GAS7: variants seen among roughly 807,000 people sequenced by gnomAD.
GAS7 encodes growth arrest specific 7.
GAS7 carries 28 observed loss-of-function variants against 71.1 expected under a neutral mutation model. That is an observed-to-expected ratio of 0.39 (90% CI 0.29 to 0.54). The LOEUF (loss-of-function observed/expected upper bound fraction) is 0.54. Among genes scored for constraint, GAS7 ranks in the 20% least tolerant of loss-of-function variants. The pLI is 0.62. For synonymous variants in GAS7, 258 were observed against 245.8 expected (o/e 1.05, Z -0.46); for missense variants, 436 against 627.8 (o/e 0.69, Z 3.27).
intron 1 of GAS7, among the ~76,000 whole-genome samples, chr17:10,097,588 G>C (rs576836282): frequency 6.6e-6 from 1 of 152,314 alleles, no homozygotes; most frequent in Non-Finnish European, 1.5e-5. Flanking sequence ...CTTCCAGGCT[G>C]CTGAGTTTTT....
intron 1 of GAS7, among the ~76,000 whole-genome samples, chr17:10,110,692 G>A (rs987217199): frequency 3.3e-5 from 5 of 152,042 alleles, no homozygotes; most frequent in Non-Finnish European, 5.9e-5. Flanking sequence ...GGCTGGTCTC[G>A]AACTCCTGAC....
chr17:10,039,630 C>A, intron 1 of GAS7: 2 of 407,714 alleles, frequency 4.9e-6, no homozygotes, highest in Admixed American at 2.8e-5. Context: ...TTGTAGTGAG[C>A]CAAGATCATG....
chr17:9,932,414 C>T (rs191296958), intron 9 of GAS7, among the ~76,000 whole-genome samples: 32 of 152,166 alleles, frequency 2.1e-4, no homozygotes, highest in Middle Eastern at 3.4e-3. Context: ...AGGATGGTCT[C>T]GATCTCATGA....
At chr17:10,106,976 T>C (rs1432044923) in intron 1 of GAS7, among the ~76,000 whole-genome samples, 2 of 152,082 alleles carry the variant, frequency 1.3e-5, no homozygotes, top group Non-Finnish European at 2.9e-5. Flanking sequence ...AAGAGGCTGA[T>C]GCCACAGTCC....
At position 10,114,600 on chromosome 17, in the gene GAS7, A is replaced by G. The variant is rs970587166; in HGVS notation, c.183+83608T>C. Reference sequence around the variant, plus strand: ...GTCTGATAATCACTATGGACACCACACACCAGCCAGCATCAGGGCTGTGTC... The same window carrying G: ...GTCTGATAATCACTATGGACACCACGCACCAGCCAGCATCAGGGCTGTGTC... On this transcript the variant is annotated intron_variant, in intron 1 of 13. Coordinates refer to ENST00000432992, the MANE Select transcript of GAS7 (RefSeq NM_201433.2). 2 of 152,024 alleles carry G rather than the reference A, an allele frequency of 1.3e-5. 1 individual carries two copies. Among genetic ancestry groups the G allele is most frequent in the Admixed American group, 1.3e-4 (2 of 15,244 alleles). 9.4% of individuals were successfully genotyped at this position (152,024 alleles called of 1,614,324 possible).
chr17:10,130,863 G>A (rs1017478691), intron 1 of GAS7, among the ~76,000 whole-genome samples: 1 of 152,172 alleles, frequency 6.6e-6, no homozygotes, highest in South Asian at 2.1e-4. Context: ...TGGGGGGAAC[G>A]GGAAGTGACT....
chr17:10,125,067 TAAAA>T, intron 1 of GAS7, among the ~76,000 whole-genome samples: 1 of 138,146 alleles, frequency 7.2e-6, no homozygotes, highest in East Asian at 2.1e-4. Flanking sequence ...TTAATAGCAG[TAAAA>T]AAAAAAAAAG....
At chr17:10,140,988 C>A (rs895633060) in intron 1 of GAS7, among the ~76,000 whole-genome samples, 1 of 152,268 alleles carries the variant, frequency 6.6e-6, no homozygotes, top group African/African-American at 2.4e-5. Flanking sequence ...CTGCCAGCTT[C>A]TGGACTGGCC....
chr17:9,964,311 TC>T (rs544741415), intron 4 of GAS7, among the ~76,000 whole-genome samples: 2 of 151,650 alleles, frequency 1.3e-5, no homozygotes, highest in Non-Finnish European at 2.9e-5. Context: ...GCCCATTTCC[TC>T]CCCCCCTGCA....
chr17:10,005,139 G>A (rs1472980827), intron 2 of GAS7, among the ~76,000 whole-genome samples: 8 of 38,884 alleles, frequency 2.1e-4, no homozygotes, highest in Middle Eastern at 0.011. Flanking sequence ...GCATGTGTGC[G>A]CGCACGCATG....
At chr17:10,153,512 T>C (rs1275857955) in intron 1 of GAS7, among the ~76,000 whole-genome samples, 1 of 113,510 alleles carries the variant, frequency 8.8e-6, no homozygotes, top group Non-Finnish European at 1.7e-5. Context: ...TGAGACTCTT[T>C]GACTCACAAA....
In GAS7 at chr17:9,950,712, C is replaced by T. The variant is rs181617728; in HGVS notation, c.526-3729G>A. On this transcript the variant is annotated intron_variant, in intron 5 of 13. Transcript: ENST00000432992. ...CTCTACTGAAAATACAAAAATTAGC[C>T]GGGCATGGTGGTGGGCGCCTGTAAT... is the stretch of plus-strand genomic sequence containing the variant. Among the ~76,000 whole-genome samples, 60 of 151,828 alleles carry T rather than the reference C, an allele frequency of 4.0e-4. 1 individual carries two copies. In the East Asian group the frequency reaches 5.5e-3, roughly 14 times the overall value.
intron 2 of GAS7, among the ~76,000 whole-genome samples, chr17:10,007,625 CAA>C (rs201254619): frequency 0.13 from 5,941 of 45,656 alleles, 51 homozygotes; most frequent in Non-Finnish European, 0.15. Flanking sequence ...GATTCTGTCT[CAA>C]AAAAAAAAAA....
chr17:10,143,141 C>T (rs1024701072), intron 1 of GAS7, among the ~76,000 whole-genome samples: 5 of 152,080 alleles, frequency 3.3e-5, no homozygotes, highest in Admixed American at 1.3e-4. Context: ...GAGATTGTGC[C>T]GCTACATTCC....
chr17:10,003,526 A>G (rs1347843176), intron 2 of GAS7, among the ~76,000 whole-genome samples: 1 of 152,180 alleles, frequency 6.6e-6, no homozygotes, highest in Non-Finnish European at 1.5e-5. Context: ...TATTACTCCA[A>G]TAGTTCATCC....
intron 1 of GAS7, among the ~76,000 whole-genome samples, chr17:10,136,212 C>G (rs553314817): frequency 6.6e-6 from 1 of 152,306 alleles, no homozygotes; most frequent in South Asian, 2.1e-4. Context: ...CAAGCCTCCC[C>G]AGATCCACGG....
intron 1 of GAS7, among the ~76,000 whole-genome samples, chr17:10,083,682 C>G (rs775999400): frequency 2.0e-5 from 3 of 152,252 alleles, no homozygotes; most frequent in Non-Finnish European, 4.4e-5. Flanking sequence ...AGAGGGGACA[C>G]AGGGGTGGTC....
intron 1 of GAS7, among the ~76,000 whole-genome samples, chr17:10,141,701 G>C (rs561686829): frequency 1.8e-3 from 273 of 152,152 alleles, no homozygotes; most frequent in Admixed American, 3.7e-3. Flanking sequence ...AAATGGCCTT[G>C]GGCAAGTTCT....
intron 2 of GAS7, among the ~76,000 whole-genome samples, chr17:10,008,993 G>A (rs2071647085): frequency 6.6e-6 from 1 of 152,156 alleles, no homozygotes. Flanking sequence ...AGTTAGAAAA[G>A]GATCCAATTA....
Sources: gnomAD v4.1 joint callset for allele counts (sites outside exome capture counted in the v4.1 genomes callset) on GRCh38, gnomAD v4.1.1 for gene constraint, MANE v1.5 for transcripts, NCBI Gene and HGNC (gene_info 2026-07-23, HGNC 2026-07-21) for gene names.